C4orf50: variants seen among roughly 807,000 people sequenced by gnomAD.
The protein encoded by C4orf50 is chromosome 4 open reading frame 50, also known as uncharacterized protein C4orf50.
Under a neutral mutation model 77.2 loss-of-function variants are expected in C4orf50, and 80 were observed. The observed-to-expected ratio is 1.04, with a 90% CI of 0.87 to 1.25. C4orf50 has a LOEUF of 1.25. Among genes scored for constraint, C4orf50 ranks in the 50% most tolerant of loss-of-function variants. The probability of loss-of-function intolerance (pLI) is 0.00; values close to 1 mark genes in which losing one functional copy is unlikely to be tolerated. For missense variants in C4orf50, 1,257 were observed against 1,152.9 expected (o/e 1.09, Z -1.31); for synonymous variants, 532 against 465.3 (o/e 1.14, Z -1.84).
At chr4:5,995,033 C>T (rs1721503228) in intron 25 of C4orf50, among the ~76,000 whole-genome samples, 1 of 152,126 alleles carries the variant, frequency 6.6e-6, no homozygotes, top group Admixed American at 6.5e-5. Context: ...ATGAAACTAT[C>T]CCCCTCACCC....
intron 7 of C4orf50, among the ~76,000 whole-genome samples, chr4:5,940,927 C>T (rs993184011): frequency 6.6e-6 from 1 of 152,142 alleles, no homozygotes; most frequent in Non-Finnish European, 1.5e-5. Flanking sequence ...TGATGCCTAG[C>T]ACCAATGGCC....
intron 7 of C4orf50, among the ~76,000 whole-genome samples, chr4:5,938,874 T>C (rs2108749695): frequency 6.6e-6 from 1 of 152,230 alleles, no homozygotes; most frequent in South Asian, 2.1e-4. Context: ...AGTTTGCTGC[T>C]GTGACAGATG....
At chr4:5,978,105 A>G (rs1029692962) in intron 29 of C4orf50, among the ~76,000 whole-genome samples, 1 of 152,242 alleles carries the variant, frequency 6.6e-6, no homozygotes, top group African/African-American at 2.4e-5. Context: ...AATACAGCTC[A>G]AAACCAATGA....
intron 29 of C4orf50, among the ~76,000 whole-genome samples, chr4:5,977,893 T>C (rs1451706458): frequency 1.3e-5 from 2 of 152,168 alleles, no homozygotes; most frequent in Non-Finnish European, 1.5e-5. Flanking sequence ...ACCTACAGAA[T>C]TGGAGGAAAT....
At chr4:5,985,978 T>C (rs1359339354) in intron 28 of C4orf50, among the ~76,000 whole-genome samples, 1 of 151,980 alleles carries the variant, frequency 6.6e-6, no homozygotes, top group Non-Finnish European at 1.5e-5. Flanking sequence ...CAAAAATAAA[T>C]AAATACATAA....
intron 7 of C4orf50, among the ~76,000 whole-genome samples, chr4:5,909,044 A>G (rs972835995): frequency 3.3e-5 from 5 of 152,136 alleles, no homozygotes; most frequent in Non-Finnish European, 7.4e-5. Flanking sequence ...CACTCTACAC[A>G]GCAGCCAGAA....
chr4:5,930,973 A>C (rs1280302795), intron 7 of C4orf50, among the ~76,000 whole-genome samples: 6 of 152,212 alleles, frequency 3.9e-5, no homozygotes, highest in Non-Finnish European at 5.9e-5. Context: ...CCAGGAGTGC[A>C]CAAACGCCTC....
chr4:5,927,207 G>C (rs921427927), intron 7 of C4orf50, among the ~76,000 whole-genome samples: 5 of 152,090 alleles, frequency 3.3e-5, no homozygotes, highest in Admixed American at 2.6e-4. Context: ...AGACACTGTG[G>C]AATCAGGGCT....
downstream of C4orf50, among the ~76,000 whole-genome samples, chr4:5,953,315 C>T (rs1718809447): frequency 1.3e-5 from 2 of 152,182 alleles, no homozygotes; most frequent in African/African-American, 4.8e-5. Context: ...TGGTTTCTTA[C>T]ACAGTAATAT....
chr4:6,006,993 GCA>G (rs376852003), intron 25 of C4orf50, among the ~76,000 whole-genome samples: 41 of 152,352 alleles, frequency 2.7e-4, no homozygotes, highest in African/African-American at 9.4e-4. Flanking sequence ...GACTTCACAA[GCA>G]CATATGAGTC....
chr4:5,962,598 C>T (rs768828394), intron 33 of C4orf50, among the ~76,000 whole-genome samples: 3 of 152,208 alleles, frequency 2.0e-5, no homozygotes, highest in South Asian at 2.1e-4. Flanking sequence ...ATCCAGGCCA[C>T]GCACCATCTG....
intron 27 of C4orf50, 142 bp from the exon 6 acceptor site, chr4:5,990,966 G>T (rs892167040): frequency 6.0e-5 from 24 of 397,560 alleles, no homozygotes; most frequent in Non-Finnish European, 8.0e-5. Context: ...GGACACAGCT[G>T]GTACCGCCCC....
intron 23 of C4orf50, among the ~76,000 whole-genome samples, chr4:6,016,530 C>T (rs1722691240): frequency 6.6e-6 from 1 of 152,132 alleles, no homozygotes. Context: ...GCCTGGGTGA[C>T]AGAGTAAGAC....
At chr4:5,972,748 C>T (rs1720000888) in intron 31 of C4orf50, among the ~76,000 whole-genome samples, 1 of 152,224 alleles carries the variant, frequency 6.6e-6, no homozygotes, top group Non-Finnish European at 1.5e-5. Context: ...GCTGTGTTTA[C>T]CGTGGGAGCT....
At chr4:5,922,390 C>G (rs1050837896) in intron 7 of C4orf50, among the ~76,000 whole-genome samples, 1 of 152,194 alleles carries the variant, frequency 6.6e-6, no homozygotes, top group Non-Finnish European at 1.5e-5. Flanking sequence ...TAACTCATAC[C>G]TGGCCCTCTA....
chr4:5,980,151 G>T (rs1560578914), intron 29 of C4orf50, 23 bp downstream of exon 7: 1 of 1,549,192 alleles, frequency 6.5e-7, no homozygotes, highest in Non-Finnish European at 8.7e-7. Context: ...CTGACAAGAG[G>T]GGAAAGAAAG....
chr4:5,903,354 T>A (rs1280012563), intron 7 of C4orf50: 1 of 152,202 alleles, frequency 6.6e-6, no homozygotes, highest in Non-Finnish European at 1.5e-5. Flanking sequence ...CCTGTGTTCA[T>A]AGGAGCAATA....
intron 28 of C4orf50, among the ~76,000 whole-genome samples, chr4:5,987,627 G>C (rs1366128098): frequency 1.3e-5 from 2 of 151,744 alleles, no homozygotes; most frequent in African/African-American, 4.8e-5. Flanking sequence ...GGGAGAGCAA[G>C]AGACAGAAAG....
At chr4:5,996,071 G>A (rs1474338648) in intron 25 of C4orf50, among the ~76,000 whole-genome samples, 1 of 152,212 alleles carries the variant, frequency 6.6e-6, no homozygotes, top group Non-Finnish European at 1.5e-5. Context: ...ATTAGGTGCT[G>A]GTGCCCATCT....
Sources: allele counts gnomAD v4.1 joint callset (sites outside exome capture counted in the v4.1 genomes callset), GRCh38; gene constraint gnomAD v4.1.1; transcripts MANE v1.5; gene names NCBI Gene and HGNC (gene_info 2026-07-23, HGNC 2026-07-21).